The following GET4 variants were observed in gnomAD, a reference collection of about 807,000 sequenced individuals.
GET4 encodes the protein guided entry of tail-anchored proteins factor 4.
GET4 carries 20 observed loss-of-function variants against 40.0 expected under a neutral mutation model. The observed-to-expected ratio is 0.50, with a 90% CI of 0.35 to 0.73. The LOEUF (loss-of-function observed/expected upper bound fraction) is 0.73. Ranked by LOEUF, GET4 falls within the 30% of genes least tolerant of loss-of-function variation. GET4 has a pLI of 0.01. For synonymous variants in GET4, 280 were observed against 194.6 expected, an observed-to-expected ratio of 1.44 and a Z score of -3.65; for missense variants, 557 against 454.0, an observed-to-expected ratio of 1.23 and a Z score of -2.06.
intron 8 of GET4, 86 bp from the exon 9 acceptor site, chr7:895,248 C>G: frequency 2.9e-6 from 2 of 685,406 alleles, no homozygotes; most frequent in East Asian, 2.7e-5. Context: ...CACTGGGACA[C>G]CTTGTGAGAC....
chr7:877,270 C>T (rs866737161), intron 1 of GET4, among the ~76,000 whole-genome samples: 3 of 149,510 alleles, frequency 2.0e-5, no homozygotes, highest in Non-Finnish European at 3.0e-5. Flanking sequence ...CTCTCCCGGC[C>T]CCTCGTCTCT....
intron 8 of GET4, among the ~76,000 whole-genome samples, chr7:894,363 G>T (rs552035304): frequency 8.5e-5 from 13 of 152,296 alleles, no homozygotes; most frequent in Admixed American, 1.3e-4. Context: ...GGGTCGCGGC[G>T]GGGCGGGTGT....
chr7:879,497 G>C (rs1026268086), intron 1 of GET4, among the ~76,000 whole-genome samples: 5 of 152,210 alleles, frequency 3.3e-5, no homozygotes, highest in Non-Finnish European at 7.3e-5. Flanking sequence ...TTGTTTGTAC[G>C]GACCTACTGA....
chr7:889,057 A>G (rs1462859019), intron 4 of GET4, among the ~76,000 whole-genome samples: 1 of 152,200 alleles, frequency 6.6e-6, no homozygotes, highest in Non-Finnish European at 1.5e-5. Flanking sequence ...AGCTCCTAAG[A>G]TGGGTACAAG....
chr7:887,240 C>G, intron 3 of GET4, 130 bp from the exon 4 acceptor site: 1 of 943,718 alleles, frequency 1.1e-6, no homozygotes, highest in East Asian at 2.4e-5. Context: ...CCACGGCTCA[C>G]TCAGGGACGC....
intron 1 of GET4, among the ~76,000 whole-genome samples, chr7:878,724 G>T (rs777611341): frequency 2.0e-5 from 3 of 151,956 alleles, no homozygotes; most frequent in Non-Finnish European, 4.4e-5. Flanking sequence ...GGAATTACTG[G>T]CGCGCACCAC....
intron 6 of GET4, among the ~76,000 whole-genome samples, chr7:892,827 C>T (rs1344113688): frequency 1.4e-5 from 2 of 146,856 alleles, no homozygotes; most frequent in South Asian, 2.2e-4. Flanking sequence ...GGCGTATGTG[C>T]AGGTGTTGCG....
At chr7:887,568 T>C (rs769821583) in intron 4 of GET4, 49 bp downstream of exon 4, 19 of 1,399,372 alleles carry the variant, frequency 1.4e-5, no homozygotes, top group Non-Finnish European at 1.8e-5. Flanking sequence ...CTCTCGGCGT[T>C]GATTTGCACT....
Position 887,456 on chromosome 7 carries a change from G to T in GET4, c.403G>T (p.Gly135Trp). 1.3e-6 allele frequency: 2 copies of T among 1,593,484 alleles called. No individual in the cohort carries two copies. The highest frequency in any genetic ancestry group is 1.7e-6 in the Non-Finnish European group (2 of 1,167,896). ...GTCCAGAGCCCTGAAGTGGTCCAGT[G>T]GGGGCTCCGGGAAGCTGGGCCACCC... ...FVSRALKWSSGGSGKLGHPRL... is the reference protein window; with the variant it reads ...FVSRALKWSSWGSGKLGHPRL... The change falls in exon 4 of 9, where the codon GGG becomes TGG. Residue 135 changes from glycine (G) to tryptophan (W), a missense_variant. Coordinates refer to ENST00000265857, the MANE Select transcript of GET4 (RefSeq NM_015949.3).
At chr7:877,217 C>CTCTGGTCT (rs1843976245) in intron 1 of GET4, among the ~76,000 whole-genome samples, 1 of 150,898 alleles carries the variant, frequency 6.6e-6, no homozygotes, top group Non-Finnish European at 1.5e-5. Context: ...CTCTCTCTCT[C>CTCTGGTCT]TCTCTGGCCT....
chr7:882,643 CTT>C (rs1844109582), intron 1 of GET4: 1 of 152,326 alleles, frequency 6.6e-6, no homozygotes, highest in African/African-American at 2.4e-5. Context: ...GGCGGCCGAC[CTT>C]GCCCCGGGGA....
chr7:890,361 AGCGGGTGTCAGGACGGGGTCTGG>A (rs1281605701), intron 4 of GET4, among the ~76,000 whole-genome samples: 4,109 of 45,128 alleles, frequency 0.091, 929 homozygotes, highest in African/African-American at 0.13. Context: ...AGGGAGTGCG[AGCGGGTGTCAGGACGGGGTCTGG>A]GAGTGGAGGG....
At chr7:892,618 T>C (rs955783492) in intron 6 of GET4, 200 bp downstream of exon 6, 2 of 482,392 alleles carry the variant, frequency 4.1e-6, no homozygotes, top group Non-Finnish European at 7.4e-6. Context: ...GACATGGTAG[T>C]GCGGGTAGCT....
chr7:891,703 G>A (rs1844325668), intron 5 of GET4, among the ~76,000 whole-genome samples: 1 of 152,274 alleles, frequency 6.6e-6, no homozygotes, highest in African/African-American at 2.4e-5. Flanking sequence ...TGTAGGATTT[G>A]GGGACAGACA....
At chr7:887,962 G>C (rs1009578331) in intron 4 of GET4, among the ~76,000 whole-genome samples, 1 of 152,074 alleles carries the variant, frequency 6.6e-6, no homozygotes, top group Non-Finnish European at 1.5e-5. Context: ...GGTGTTTTTA[G>C]TTCCAGGTCT....
chr7:890,706 C>T (rs1844300990), intron 4 of GET4, among the ~76,000 whole-genome samples: 1 of 152,086 alleles, frequency 6.6e-6, no homozygotes, highest in South Asian at 2.1e-4. Context: ...CAAGATGTTG[C>T]ATAGCTGAGT....
At chr7:885,986 C>A in intron 1 of GET4, 70 bp from the exon 2 acceptor site, 1 of 942,386 alleles carries the variant, frequency 1.1e-6, no homozygotes, top group Non-Finnish European at 1.7e-6. Context: ...AGCTTCTGAC[C>A]TGAAGATGAG....
At chr7:880,794 G>A (rs940048170) in intron 1 of GET4, 6 of 152,352 alleles carry the variant, frequency 3.9e-5, no homozygotes, top group South Asian at 2.1e-4. Context: ...GTAGAATTCC[G>A]TGTGGATTCC....
chr7:878,367 C>G (rs1423149165), intron 1 of GET4: 3 of 470,970 alleles, frequency 6.4e-6, no homozygotes, highest in South Asian at 1.5e-5. Context: ...CAGATTATCT[C>G]TTATGGTTCA....
Sources: gnomAD v4.1 joint callset for allele counts (sites outside exome capture counted in the v4.1 genomes callset) on GRCh38, gnomAD v4.1.1 for gene constraint, MANE v1.5 for transcripts, NCBI Gene and HGNC (gene_info 2026-07-23, HGNC 2026-07-21) for gene names.